CCDC150: variants seen among roughly 807,000 people sequenced by gnomAD.
CCDC150 encodes the protein coiled-coil domain containing 150.
Under a neutral mutation model 156.5 loss-of-function variants are expected in CCDC150, and 151 were observed. The ratio of observed to expected loss-of-function variants is 0.97; its 90% CI spans 0.85 to 1.10. CCDC150 has a LOEUF of 1.10. CCDC150 is among the 50% of genes least tolerant of loss of function. The pLI is 0.00. For missense variants in CCDC150, 1,312 were observed against 1,268.1 expected (o/e 1.03, Z -0.53); for synonymous variants, 452 against 429.4 (o/e 1.05, Z -0.65).
intron 23 of CCDC150, 142 bp downstream of exon 23, chr2:196,729,529 T>C: frequency 1.3e-6 from 1 of 792,384 alleles, no homozygotes; most frequent in Non-Finnish European, 2.0e-6. Context: ...TTGGGGAGAC[T>C]TTTTCAGTGG....
intron 25 of CCDC150, 82 bp downstream of exon 25, chr2:196,730,200 T>A: frequency 1.6e-6 from 2 of 1,230,030 alleles, no homozygotes; most frequent in Non-Finnish European, 2.2e-6. Context: ...ACCTAGACTT[T>A]CTAGAGTCTA....
intron 2 of CCDC150, among the ~76,000 whole-genome samples, chr2:196,652,139 A>T (rs375841699): frequency 6.6e-6 from 1 of 152,180 alleles, no homozygotes; most frequent in Non-Finnish European, 1.5e-5. Context: ...GGGGACAAAC[A>T]TCCAAACTAT....
intron 1 of CCDC150, among the ~76,000 whole-genome samples, chr2:196,641,538 T>C (rs939007880): frequency 6.6e-6 from 1 of 152,218 alleles, no homozygotes; most frequent in Non-Finnish European, 1.5e-5. Flanking sequence ...CCATACCATG[T>C]TCTTTCCTAT....
chr2:196,672,482 T>A, intron 9 of CCDC150, 45 bp downstream of exon 9: 1 of 1,096,834 alleles, frequency 9.1e-7, no homozygotes, highest in East Asian at 3.1e-5. Flanking sequence ...TATTTAATTT[T>A]GTTCAATTAA....
At chr2:196,711,585 T>C (rs988412882) in intron 15 of CCDC150, among the ~76,000 whole-genome samples, 3 of 152,208 alleles carry the variant, frequency 2.0e-5, no homozygotes, top group African/African-American at 7.2e-5. Context: ...ATAATTTTCT[T>C]TGAAGAGAGA....
intron 17 of CCDC150, among the ~76,000 whole-genome samples, chr2:196,717,712 T>G (rs1033774158): frequency 8.5e-5 from 13 of 152,048 alleles, no homozygotes; most frequent in Non-Finnish European, 1.8e-4. Context: ...ACAAACATGG[T>G]GAAACCCCTT....
At chr2:196,678,822 C>T (rs1387520424) in intron 13 of CCDC150, among the ~76,000 whole-genome samples, 3 of 152,146 alleles carry the variant, frequency 2.0e-5, no homozygotes, top group Non-Finnish European at 4.4e-5. Context: ...ATGAGAATTG[C>T]TTGAACCTCG....
intron 22 of CCDC150, 88 bp downstream of exon 22, chr2:196,726,187 T>G: frequency 7.0e-7 from 1 of 1,431,148 alleles, no homozygotes; most frequent in Non-Finnish European, 9.6e-7. Flanking sequence ...CAGTTGTTCT[T>G]TGACTCCTCT....
chr2:196,722,497 A>G (rs1697982168), intron 21 of CCDC150, among the ~76,000 whole-genome samples: 1 of 151,930 alleles, frequency 6.6e-6, no homozygotes, highest in Non-Finnish European at 1.5e-5. Flanking sequence ...GGTGGTCTCA[A>G]AACTCCTGGG....
intron 17 of CCDC150, chr2:196,713,102 G>A (rs1418402278): frequency 1.0e-5 from 5 of 490,802 alleles, no homozygotes; most frequent in Non-Finnish European, 1.4e-5. Flanking sequence ...GATGAGTGAT[G>A]AGGTCACAGA....
chr2:196,725,354 A>G (rs983933890), intron 21 of CCDC150, among the ~76,000 whole-genome samples: 3 of 152,106 alleles, frequency 2.0e-5, no homozygotes, highest in Non-Finnish European at 2.9e-5. Flanking sequence ...GAAGCTACGG[A>G]CTCAGCTACA....
Position 196,722,465 on chromosome 2 carries a change from A to G in CCDC150, c.2429+774A>G, listed in dbSNP as rs1264276733. On this transcript the variant is annotated intron_variant, in intron 21 of 27. Coordinates refer to ENST00000389175, the MANE Select transcript of CCDC150 (RefSeq NM_001080539.2). ...TAATTTTTTTTTTTTTTTAAGAGAT[A>G]GGGTTTCTCCATGTTGCCCAGGGTG... 4.0e-5 allele frequency among the ~76,000 whole-genome samples: 6 copies of G among 150,318 alleles called. No individual in the cohort carries two copies. The East Asian group carries it at 1.2e-3, about 30-fold the overall frequency.
intron 12 of CCDC150, 134 bp from the exon 13 acceptor site, chr2:196,677,159 C>A (rs555970639): frequency 2.1e-5 from 15 of 727,356 alleles, no homozygotes; most frequent in Non-Finnish European, 3.0e-5. Context: ...CCCTGATTGG[C>A]CCCTTTTCTG....
rs570133166 is a variant in CCDC150 at position 196,708,009 on chromosome 2, A to T, written c.1696-4136A>T. On this transcript the variant is annotated intron_variant, in intron 15 of 27. Coordinates refer to ENST00000389175, the MANE Select transcript of CCDC150 (RefSeq NM_001080539.2). The stretch of plus-strand genomic sequence containing the variant: ...TGATTTGGGGTGGAGAGTTCTGTAG[A>T]TGTCTATTAGGTCTGCGTGGTGCAA... Among the ~76,000 whole-genome samples the T allele has an allele frequency of 1.3e-3, 191 of 152,260 alleles. 1 individual carries two copies. The highest frequency in any genetic ancestry group is 1.9e-3 in the Non-Finnish European group (131 of 68,012).
intron 4 of CCDC150, among the ~76,000 whole-genome samples, chr2:196,658,098 G>A (rs1161287057): frequency 6.6e-6 from 1 of 152,116 alleles, no homozygotes; most frequent in Non-Finnish European, 1.5e-5. Flanking sequence ...TAATGAAAAC[G>A]GGAAAACAAC....
rs763275722 is a variant in CCDC150, at chr2:196,666,736, A to G, written c.780A>G (p.Gln260=). ...AATTTCAGGTGCACATTTTGCAGCA[A>G]AACTGCATTGCTCTACGTGATTCTA... ...VERKQVHILQ[Q]NCIALRDSIQ... is the part of the protein sequence containing the mutation. Residue 260 remains glutamine (Q), a synonymous_variant, in exon 7 of 28, where the codon CAA becomes CAG. Transcript: ENST00000389175. 1.9e-6 allele frequency: 3 copies of G among 1,601,600 alleles called. No homozygotes were observed. Among genetic ancestry groups the G allele is most frequent in the Non-Finnish European group, 1.7e-6 (2 of 1,176,000 alleles).
intron 15 of CCDC150, among the ~76,000 whole-genome samples, chr2:196,702,803 G>A (rs1428363454): frequency 1.3e-5 from 2 of 152,006 alleles, no homozygotes; most frequent in Non-Finnish European, 2.9e-5. Context: ...CTGAGACTGA[G>A]TAATTTGTAA....
chr2:196,717,890 C>A (rs1416814067), intron 17 of CCDC150, among the ~76,000 whole-genome samples: 9 of 148,588 alleles, frequency 6.1e-5, no homozygotes, highest in Admixed American at 2.0e-4. Context: ...AATTCAGTCT[C>A]AAAAAAAAAA....
In CCDC150 at chr2:196,717,612, C is replaced by T. The variant is rs537212338; in HGVS notation, c.1867-891C>T. Among the ~76,000 whole-genome samples, 21 of 152,186 alleles carry T rather than the reference C, an allele frequency of 1.4e-4. 1 individual carries two copies. In the South Asian group the frequency reaches 3.1e-3, roughly 23 times the overall value. On this transcript the variant is annotated intron_variant, in intron 17 of 27. Transcript: ENST00000389175. ...CAGCAAAAGAAGCAGGATAAAGGGG[C>T]GGGGCGTGGTTTCTCGCGCCTGTAA...
Sources: allele counts gnomAD v4.1 joint callset (sites outside exome capture counted in the v4.1 genomes callset), GRCh38; gene constraint gnomAD v4.1.1; transcripts MANE v1.5; gene names NCBI Gene and HGNC (gene_info 2026-07-23, HGNC 2026-07-21).